IL19: variants seen among roughly 807,000 people sequenced by gnomAD.
IL19 encodes interleukin 19, also known as interleukin-19.
Under a neutral mutation model 19.5 loss-of-function variants are expected in IL19, and 15 were observed. The observed-to-expected ratio is 0.77, with a 90% CI of 0.52 to 1.19. The LOEUF is 1.19. Ranked by LOEUF, IL19 falls within the 50% of genes most tolerant of loss-of-function variation. The pLI is 0.00. For missense variants in IL19, 199 were observed against 213.1 expected, an observed-to-expected ratio of 0.93 and a Z score of 0.41; for synonymous variants, 78 against 78.3, an observed-to-expected ratio of 1.00 and a Z score of 0.02.
chr1:206,794,172 T>A (rs1558609735), intron 1 of IL19, among the ~76,000 whole-genome samples: 1 of 152,200 alleles, frequency 6.6e-6, no homozygotes, highest in South Asian at 2.1e-4. Flanking sequence ...AGACTTCTCA[T>A]TGGCCACCAG....
intron 1 of IL19, among the ~76,000 whole-genome samples, chr1:206,793,305 G>T (rs1265649154): frequency 6.6e-6 from 1 of 152,226 alleles, no homozygotes; most frequent in Non-Finnish European, 1.5e-5. Context: ...AAGGCAGCTG[G>T]TGATGGCTGC....
At chr1:206,835,975 C>T (rs1676778281) in intron 2 of IL19, among the ~76,000 whole-genome samples, 1 of 152,252 alleles carries the variant, frequency 6.6e-6, no homozygotes, top group Non-Finnish European at 1.5e-5. Context: ...CAGCTAGCTG[C>T]AAACATGCCC....
At chr1:206,838,258 G>A (rs1676866100) in intron 4 of IL19, among the ~76,000 whole-genome samples, 1 of 152,226 alleles carries the variant, frequency 6.6e-6, no homozygotes, top group African/African-American at 2.4e-5. Context: ...AGGCCCATGA[G>A]AGATGCCTTT....
intron 1 of IL19, among the ~76,000 whole-genome samples, chr1:206,792,296 C>T (rs1044526800): frequency 6.6e-6 from 1 of 152,198 alleles, no homozygotes; most frequent in Admixed American, 6.5e-5. Context: ...CCTTTCCCAA[C>T]CTGGCACGGC....
At chr1:206,810,513 A>G (rs1675976473) in intron 2 of IL19, among the ~76,000 whole-genome samples, 1 of 152,194 alleles carries the variant, frequency 6.6e-6, no homozygotes, top group South Asian at 2.1e-4. Flanking sequence ...ACATTAAGAA[A>G]CACATTGACG....
intron 1 of IL19, 120 bp downstream of exon 1, chr1:206,771,198 T>A: frequency 8.4e-7 from 1 of 1,187,316 alleles, no homozygotes; most frequent in Non-Finnish European, 1.3e-6. Flanking sequence ...CTGAGCCCTT[T>A]GTAAACCCTC....
chr1:206,799,126 T>A, intron 2 of IL19, 120 bp downstream of exon 2: 1 of 722,414 alleles, frequency 1.4e-6, no homozygotes. Flanking sequence ...CTGACAGGAC[T>A]GCCTTTGTCT....
intron 1 of IL19, chr1:206,771,318 T>G (rs780746069): frequency 1.9e-6 from 3 of 1,575,306 alleles, no homozygotes; most frequent in Non-Finnish European, 2.6e-6. Context: ...CCCTTAATCA[T>G]GCTGCACACT....
At chr1:206,825,005 C>T (rs1572568266) in intron 2 of IL19, among the ~76,000 whole-genome samples, 1 of 152,206 alleles carries the variant, frequency 6.6e-6, no homozygotes, top group Non-Finnish European at 1.5e-5. Context: ...ATCTGTCCAC[C>T]TCGGCCTCCC....
intron 1 of IL19, among the ~76,000 whole-genome samples, chr1:206,789,610 G>C (rs1209818610): frequency 6.6e-6 from 1 of 151,890 alleles, no homozygotes; most frequent in Non-Finnish European, 1.5e-5. Flanking sequence ...TTTTAAGCTC[G>C]GGATGCATGT....
intron 2 of IL19, among the ~76,000 whole-genome samples, chr1:206,816,344 G>A (rs186931313): frequency 6.6e-6 from 1 of 152,024 alleles, no homozygotes; most frequent in Non-Finnish European, 1.5e-5. Context: ...TATAAAATAG[G>A]TATAGGTAAA....
intron 2 of IL19, among the ~76,000 whole-genome samples, chr1:206,801,701 C>A (rs75449082): frequency 2.0e-5 from 3 of 152,274 alleles, no homozygotes; most frequent in African/African-American, 4.8e-5. Flanking sequence ...ATTACCCCCA[C>A]TTCCTTGGAG....
At chr1:206,831,101 G>A (rs1031806936) in intron 2 of IL19, among the ~76,000 whole-genome samples, 6 of 152,088 alleles carry the variant, frequency 3.9e-5, no homozygotes, top group African/African-American at 9.7e-5. Context: ...TTTTGTATGC[G>A]CTCAAGACTC....
chr1:206,839,350 G>T (rs1382558623), intron 4 of IL19, among the ~76,000 whole-genome samples: 1 of 152,214 alleles, frequency 6.6e-6, no homozygotes, highest in African/African-American at 2.4e-5. Context: ...AATGCAATGT[G>T]ATTACAGTTG....
chr1:206,792,984 C>T (rs1675442786), intron 1 of IL19, among the ~76,000 whole-genome samples: 1 of 152,168 alleles, frequency 6.6e-6, no homozygotes, highest in South Asian at 2.1e-4. Context: ...CACAAAGGTA[C>T]CACAATAAAT....
intron 2 of IL19, among the ~76,000 whole-genome samples, chr1:206,803,647 G>T (rs1026759500): frequency 1.3e-5 from 2 of 152,150 alleles, no homozygotes; most frequent in African/African-American, 4.8e-5. Flanking sequence ...TGATGGGGCT[G>T]CCTTCAGCAA....
intron 2 of IL19, chr1:206,833,706 C>A: frequency 1.0e-6 from 1 of 985,570 alleles, no homozygotes; most frequent in Non-Finnish European, 1.2e-6. Flanking sequence ...AACCTCTCTT[C>A]TTTCCAGTCT....
At chr1:206,772,569 CA>C (rs1674886069) in intron 1 of IL19, 4 of 809,960 alleles carry the variant, frequency 4.9e-6, no homozygotes, top group Non-Finnish European at 8.1e-6. Flanking sequence ...AAGCCACAAT[CA>C]AGGTTTCCCG....
At chr1:206,830,458 A>T (rs1676563388) in intron 2 of IL19, among the ~76,000 whole-genome samples, 1 of 152,140 alleles carries the variant, frequency 6.6e-6, no homozygotes, top group African/African-American at 2.4e-5. Context: ...AGCTATACAG[A>T]AGTTCACACA....
Sources: allele counts gnomAD v4.1 joint callset (sites outside exome capture counted in the v4.1 genomes callset), GRCh38; gene constraint gnomAD v4.1.1; transcripts MANE v1.5; gene names NCBI Gene and HGNC (gene_info 2026-07-23, HGNC 2026-07-21).